ERICH3: variants seen among roughly 807,000 people sequenced by gnomAD.
The protein encoded by ERICH3 is glutamate rich 3.
ERICH3 carries 126 observed loss-of-function variants against 131.1 expected under a neutral mutation model. The ratio of observed to expected loss-of-function variants is 0.96; its 90% confidence interval spans 0.83 to 1.11. ERICH3 has a LOEUF of 1.11. Among genes scored for constraint, ERICH3 ranks in the 50% most tolerant of loss-of-function variants. ERICH3 has a pLI of 0.00. For missense variants in ERICH3, 2,050 were observed against 1,810.7 expected, an observed-to-expected ratio of 1.13 and a Z score of -2.40; for synonymous variants, 695 against 644.6, an observed-to-expected ratio of 1.08 and a Z score of -1.18.
upstream of ERICH3, among the ~76,000 whole-genome samples, chr1:74,674,021 G>C (rs1259635000): frequency 5.3e-5 from 8 of 152,214 alleles, 1 homozygote; most frequent in Admixed American, 5.2e-4. Context: ...ACTGGGTAGC[G>C]GCTGAGGGTA....
chr1:74,594,043 A>G (rs1041118121), intron 11 of ERICH3, among the ~76,000 whole-genome samples: 1 of 152,008 alleles, frequency 6.6e-6, no homozygotes, highest in Non-Finnish European at 1.5e-5. Flanking sequence ...TTGTTTTTTT[A>G]TCTCTACTGG....
intron 2 of ERICH3, among the ~76,000 whole-genome samples, chr1:74,648,480 C>T (rs1448598415): frequency 6.6e-6 from 1 of 152,080 alleles, no homozygotes; most frequent in African/African-American, 2.4e-5. Context: ...AACGAATCCT[C>T]AGGAGGAGAA....
chr1:74,589,551 A>G (rs1647483112), intron 12 of ERICH3, 80 bp downstream of exon 12: 2 of 1,345,476 alleles, frequency 1.5e-6, no homozygotes, highest in Admixed American at 2.1e-5. Flanking sequence ...AGTATTTCCC[A>G]AGCTTTGGCA....
intron 7 of ERICH3, among the ~76,000 whole-genome samples, chr1:74,627,915 G>A (rs1649470926): frequency 6.6e-6 from 1 of 152,038 alleles, no homozygotes; most frequent in Non-Finnish European, 1.5e-5. Flanking sequence ...GTTATAAAAA[G>A]TTAAGATTTA....
rs528272558 is a variant in ERICH3, at chr1:74,669,256, CAA to C, written c.23+4239_23+4240del. Among the ~76,000 whole-genome samples the C allele has an allele frequency of 1.4e-3, 218 of 152,180 alleles. 1 individual carries two copies. The highest frequency in any genetic ancestry group is 5.1e-3 in the African/African-American group (211 of 41,542). Reference sequence around the variant, plus strand: ...GTATAAACTAATAAGCCTAAACTAACAAAAAATGCTTCTAAACCTTTGAACAG... The same window carrying C: ...GTATAAACTAATAAGCCTAAACTAACAAAATGCTTCTAAACCTTTGAACAG... On this transcript the variant is annotated intron_variant, in intron 1 of 14. Coordinates refer to ENST00000326665, the MANE Select transcript of ERICH3 (RefSeq NM_001002912.5).
At chr1:74,617,435 T>TCA (rs1649021220) in intron 8 of ERICH3, among the ~76,000 whole-genome samples, 2 of 152,186 alleles carry the variant, frequency 1.3e-5, no homozygotes, top group South Asian at 4.1e-4. Context: ...CAAACTAGTA[T>TCA]CAATACAAAT....
At chr1:74,649,029 T>G (rs574086890) in intron 2 of ERICH3, among the ~76,000 whole-genome samples, 193 bp downstream of exon 2, 1 of 152,280 alleles carries the variant, frequency 6.6e-6, no homozygotes, top group Non-Finnish European at 1.5e-5. Flanking sequence ...TAAGTTTTCT[T>G]AGCAGTCATA....
chr1:74,643,098 G>C lies in ERICH3; in HGVS notation c.244C>G (p.Arg82Gly), dbSNP rs189806920. 1.2e-6 allele frequency: 2 copies of C among 1,608,216 alleles called. No homozygotes were observed. Among genetic ancestry groups the C allele is most frequent in the African/African-American group, 2.7e-5 (2 of 74,764 alleles). Reference sequence around the variant, plus strand: ...TTTTTTATTTCAAGCTGATGGTAACGCTAAGCATACAGGAAAGAATAAAGG... The same window carrying C: ...TTTTTTATTTCAAGCTGATGGTAACCCTAAGCATACAGGAAAGAATAAAGG... ...AIFHKVLDME[R>G]YHQLEIKKKL... The change falls in exon 4 of 15, where the codon CGT becomes GGT. Residue 82 changes from arginine to glycine, a missense_variant and splice_region_variant. Transcript: ENST00000326665.
rs779691199 is a variant in ERICH3 at position 74,572,649 on chromosome 1, C to A, written c.3061G>T (p.Glu1021Ter). 1.9e-5 allele frequency: 31 copies of A among 1,613,888 alleles called. No homozygotes were observed. The Admixed American group carries it at 2.7e-4, about 14-fold the overall frequency. ...ACATCTTCCTTGCAAAGGAAGGCTT[C>A]CTTTGCAAGGCTTCCTTCCTCAGGG... ...GSPEEGSLAK[E>*]AFLCKEDVEG... The change falls in exon 14 of 15, where the codon GAA becomes TAA. Residue 1021 changes from glutamate (E) to a stop codon, truncating the protein, a stop_gained. Coordinates refer to ENST00000326665, the MANE Select transcript of ERICH3 (RefSeq NM_001002912.5). LOFTEE classifies it high-confidence loss of function.
At chr1:74,588,462 C>T (rs1199899816) in intron 12 of ERICH3, among the ~76,000 whole-genome samples, 1 of 152,054 alleles carries the variant, frequency 6.6e-6, no homozygotes, top group African/African-American at 2.4e-5. Flanking sequence ...GATAACTATT[C>T]GACATCTTCA....
intron 1 of ERICH3, among the ~76,000 whole-genome samples, chr1:74,661,686 ATACTT>A (rs1646642904): frequency 6.6e-6 from 1 of 152,184 alleles, no homozygotes; most frequent in Non-Finnish European, 1.5e-5. Context: ...TAAGCAACAT[ATACTT>A]TACACAAAGA....
At position 74,573,117 on chromosome 1, in the gene ERICH3, T is replaced by G. The variant is rs199985207; in HGVS notation, c.2593A>C (p.Lys865Gln). The G allele has an allele frequency of 6.2e-7, 1 of 1,614,062 alleles. No homozygotes were observed. The highest frequency in any genetic ancestry group is 1.7e-5 in the Admixed American group (1 of 60,008). The change falls in exon 14 of 15, where the codon AAA becomes CAA. Residue 865 changes from lysine to glutamine, a missense_variant. Lys to Gln is a moderately conservative substitution (Grantham distance 53). Transcript: ENST00000326665. ...TCTTTACTCAGACCCACAGCATCTT[T>G]TGCTGCTGCTTGTCCTATGGGGTCT... is the stretch of plus-strand genomic sequence containing the variant. Reference protein sequence around the residue: ...GSDPIGQAAAKDAVGLSKDEA... With the variant: ...GSDPIGQAAAQDAVGLSKDEA...
Position 74,633,596 on chromosome 1 carries a change from A to G in ERICH3, c.604-1668T>C, listed in dbSNP as rs936361229. On this transcript the variant is annotated intron_variant, in intron 6 of 14. Coordinates refer to ENST00000326665, the MANE Select transcript of ERICH3 (RefSeq NM_001002912.5). The stretch of plus-strand genomic sequence containing the variant: ...CTTTTAGTTCGACAGCATTTTGGAC[A>G]TCTTTTCATGCCAGTGCAAGTAATA... 2.6e-5 allele frequency among the ~76,000 whole-genome samples: 4 copies of G among 151,982 alleles called. No individual in the cohort carries two copies. In the South Asian group the frequency reaches 8.3e-4, roughly 31 times the overall value.
Position 74,568,426 on chromosome 1 carries a change from G to A in ERICH3, c.*2032C>T, listed in dbSNP as rs758592883. On this transcript the variant is annotated 3_prime_UTR_variant, in exon 15 of 15. Coordinates refer to ENST00000326665, the MANE Select transcript of ERICH3 (RefSeq NM_001002912.5). Reference sequence around the variant, plus strand: ...TCCTATAAGGTGTGATGTATTCAAAGTGCTCTGTAGCATTGAGTTTGAAAT... The same window carrying A: ...TCCTATAAGGTGTGATGTATTCAAAATGCTCTGTAGCATTGAGTTTGAAAT... 2.0e-5 allele frequency: 3 copies of A among 152,050 alleles called. No individual in the cohort carries two copies. Among genetic ancestry groups the A allele is most frequent in the Non-Finnish European group, 4.4e-5 (3 of 67,982 alleles). The allele number at this position is 152,050 out of a possible 1,614,324, so 9.4% of individuals were successfully genotyped here.
intron 3 of ERICH3, 130 bp downstream of exon 3, chr1:74,646,537 A>G (rs1219129841): frequency 7.1e-6 from 4 of 562,696 alleles, no homozygotes; most frequent in Non-Finnish European, 1.1e-5. Context: ...TCTAGGTACA[A>G]AAGCATTATT....
chr1:74,673,469 G>A, intron 1 of ERICH3, 28 bp downstream of exon 1: 1 of 1,610,704 alleles, frequency 6.2e-7, no homozygotes, highest in Non-Finnish European at 8.5e-7. Flanking sequence ...ACCTGCCACA[G>A]CGTGGAAAAG....
At chr1:74,650,056 A>G (rs975890213) in intron 1 of ERICH3, among the ~76,000 whole-genome samples, 1 of 152,148 alleles carries the variant, frequency 6.6e-6, no homozygotes, top group East Asian at 1.9e-4. Flanking sequence ...TTTGTCATGT[A>G]TCGAAATAAT....
intron 7 of ERICH3, chr1:74,623,884 A>T (rs1049579887): frequency 6.6e-6 from 1 of 152,194 alleles, no homozygotes; most frequent in African/African-American, 2.4e-5. Flanking sequence ...CTGGCAACGG[A>T]ACTGATTGTA....
chr1:74,669,246 C>T (rs996709853), intron 1 of ERICH3, among the ~76,000 whole-genome samples: 1 of 152,096 alleles, frequency 6.6e-6, no homozygotes, highest in African/African-American at 2.4e-5. Flanking sequence ...AACTAATAAG[C>T]CTAAACTAAC....
Sources: allele counts gnomAD v4.1 joint callset (sites outside exome capture counted in the v4.1 genomes callset), GRCh38; gene constraint gnomAD v4.1.1; transcripts MANE v1.5; gene names NCBI Gene and HGNC (gene_info 2026-07-23, HGNC 2026-07-21).